The following PPM1G variants were observed in gnomAD, a reference collection of about 807,000 sequenced individuals.
PPM1G encodes protein phosphatase 1G.
A neutral mutation model predicts 59.4 loss-of-function variants in PPM1G; 12 were observed. That is an observed-to-expected ratio of 0.20 (90% CI 0.13 to 0.33). The LOEUF is 0.33. Ranked by LOEUF, PPM1G falls within the 10% of genes least tolerant of loss-of-function variation. The pLI is 1.00. For synonymous variants in PPM1G, 245 were observed against 251.9 expected, an observed-to-expected ratio of 0.97 and a Z score of 0.26; for missense variants, 392 against 681.3, an observed-to-expected ratio of 0.58 and a Z score of 4.73.
Position 27,382,052 on chromosome 2 carries a change from A to C in PPM1G, c.1434+74T>G. On this transcript the variant is annotated intron_variant, in intron 9 of 9. Coordinates refer to ENST00000344034, the MANE Select transcript of PPM1G (RefSeq NM_177983.3). This position sits in a 1 kb window ranked among gnomAD's most constrained non-coding sequence, Gnocchi z 4.2. ...TACTGATAATGCTCCCAGATTGCCG[A>C]CTTAGCTCAGATTAAAAGAGTGAAC... 1.4e-6 allele frequency: 2 copies of C among 1,451,828 alleles called. No individual in the cohort carries two copies. The highest frequency in any genetic ancestry group is 1.9e-6 in the Non-Finnish European group (2 of 1,035,956). The allele number at this position is 1,451,828 out of a possible 1,614,324, so 89.9% of individuals were successfully genotyped here. A position where few individuals can be genotyped will look rare whatever the true frequency, so the allele number is the denominator to read the frequency against.
At position 27,382,520 on chromosome 2, in the gene PPM1G, G is replaced by C; in HGVS notation, c.1287C>G (p.Leu429=). 1 of 1,614,234 alleles carries C rather than the reference G, an allele frequency of 6.2e-7. No homozygotes were observed. Among genetic ancestry groups the C allele is most frequent in the Non-Finnish European group, 8.5e-7 (1 of 1,180,048 alleles). ...SALPDIKVLT[L]TDDHEFMVIA... The stretch of plus-strand genomic sequence containing the variant: ...TGACCATGAATTCATGGTCGTCAGT[G>C]AGAGTCAGCACCTTGATGTCAGGAA... Residue 429 remains leucine, a synonymous_variant, in exon 8 of 10, where the codon CTC becomes CTG. Transcript: ENST00000344034. The surrounding 1 kb of genome is among the most constrained non-coding windows in gnomAD (Gnocchi z 4.2).
chr2:27,407,924 G>A (rs947573671), intron 1 of PPM1G, among the ~76,000 whole-genome samples: 1 of 152,058 alleles, frequency 6.6e-6, no homozygotes, highest in Non-Finnish European at 1.5e-5. Flanking sequence ...GCACATGCCT[G>A]TAATCCCAAC....
At chr2:27,406,481 T>C (rs1329613305) in intron 1 of PPM1G, among the ~76,000 whole-genome samples, 1 of 152,214 alleles carries the variant, frequency 6.6e-6, no homozygotes, top group Admixed American at 6.5e-5. Flanking sequence ...TAGGCATATT[T>C]ATTCAAACAA....
In PPM1G at chr2:27,384,916, G is replaced by A; in HGVS notation, c.582C>T (p.Asp194=). 6.2e-7 allele frequency: 1 copy of A among 1,614,178 alleles called. No individual in the cohort carries two copies. The highest frequency in any genetic ancestry group is 2.2e-5 in the East Asian group (1 of 44,880). Residue 194 remains aspartate, a synonymous_variant, in exon 5 of 10, where the codon GAC becomes GAT. Transcript: ENST00000344034. This position sits in a 1 kb window ranked among gnomAD's most constrained non-coding sequence, Gnocchi z 4.8. The stretch of plus-strand genomic sequence containing the variant: ...CTTGTGAAGGAGTTTCCCTAGTTGA[G>A]TCCTCAGGTCCTGCCTCCCCATTGA... ...QGLNGEAGPE[D]STRETPSQEN...
intron 1 of PPM1G, among the ~76,000 whole-genome samples, chr2:27,402,670 G>A (rs896990501): frequency 4.0e-5 from 6 of 151,840 alleles, no homozygotes; most frequent in South Asian, 2.1e-4. Flanking sequence ...TTAGCCAGGC[G>A]TGGTGGCGGG....
In PPM1G at chr2:27,382,651, GA is replaced by G. The variant is rs1469388761; in HGVS notation, c.1202-47del. 6.2e-7 allele frequency: 1 copy of G among 1,608,726 alleles called. No individual in the cohort carries two copies. Among genetic ancestry groups the G allele is most frequent in the Admixed American group, 1.7e-5 (1 of 59,654 alleles). ...ATGAGCAGTTTGGATACTTCCCACA[GA>G]CTTGTGTTTGTGGCAGGTCAAACCT... On this transcript the variant is annotated intron_variant, in intron 7 of 9. Transcript: ENST00000344034. The surrounding 1 kb of genome is among the most constrained non-coding windows in gnomAD (Gnocchi z 4.2).
Position 27,382,827 on chromosome 2 carries a change from TTG to T in PPM1G, c.1202-224_1202-223del, listed in dbSNP as rs1683668488. Among the ~76,000 whole-genome samples the T allele has an allele frequency of 8.7e-6, 1 of 114,844 alleles. No individual in the cohort carries two copies. Among genetic ancestry groups the T allele is most frequent in the Admixed American group, 8.7e-5 (1 of 11,530 alleles). The allele number at this position is 114,844 out of a possible 152,430, so 75.3% of individuals were successfully genotyped here. A position where few individuals can be genotyped will look rare whatever the true frequency, so the allele number is the denominator to read the frequency against. On this transcript the variant is annotated intron_variant, in intron 7 of 9. Transcript: ENST00000344034. The surrounding 1 kb of genome is among the most constrained non-coding windows in gnomAD (Gnocchi z 4.2). ...CTGGTCTTTTTATTTTAAGTCTTTTTTGTTTTTTTTTTTTTGAGACGGAGTTT... is the reference window on the plus strand; with the variant it reads ...CTGGTCTTTTTATTTTAAGTCTTTTTTTTTTTTTTTTTTGAGACGGAGTTT...
At chr2:27,388,828 T>C (rs1317293448) in intron 1 of PPM1G, among the ~76,000 whole-genome samples, 4 of 149,706 alleles carry the variant, frequency 2.7e-5, no homozygotes, top group African/African-American at 1.0e-4. Flanking sequence ...TGAGCCGAGA[T>C]TGCGCCACTG....
In PPM1G at chr2:27,381,579, G is replaced by T; in HGVS notation, c.*20C>A. 6.2e-7 allele frequency: 1 copy of T among 1,613,852 alleles called. No individual in the cohort carries two copies. The highest frequency in any genetic ancestry group is 2.2e-5 in the East Asian group (1 of 44,850). The stretch of plus-strand genomic sequence containing the variant: ...GAGGGCTCAGAAAACAGTCTAGGTG[G>T]GCAGGGGTCTGGATGACTGCTAGTC... On this transcript the variant is annotated 3_prime_UTR_variant, in exon 10 of 10. Transcript: ENST00000344034.
At chr2:27,403,105 G>A (rs1462746340) in intron 1 of PPM1G, among the ~76,000 whole-genome samples, 1 of 151,984 alleles carries the variant, frequency 6.6e-6, no homozygotes. Flanking sequence ...ACTCAAGCAT[G>A]GGCAAGAGTG....
intron 1 of PPM1G, among the ~76,000 whole-genome samples, chr2:27,406,951 A>G (rs896047223): frequency 6.7e-6 from 1 of 149,632 alleles, no homozygotes; most frequent in Non-Finnish European, 1.5e-5. Context: ...CTATACCCAG[A>G]TTTATTTATT....
intron 1 of PPM1G, among the ~76,000 whole-genome samples, chr2:27,398,150 A>G (rs1408463160): frequency 6.6e-6 from 1 of 152,262 alleles, no homozygotes; most frequent in Admixed American, 6.5e-5. Context: ...TATTACTGGC[A>G]TAGGGACATG....
intron 1 of PPM1G, among the ~76,000 whole-genome samples, chr2:27,398,827 A>G (rs550138674): frequency 6.6e-6 from 1 of 151,796 alleles, no homozygotes; most frequent in African/African-American, 2.4e-5. Context: ...TCTCAAAAAA[A>G]AAAAGAAAAA....
At chr2:27,404,499 G>A (rs2950834) in intron 1 of PPM1G, among the ~76,000 whole-genome samples, 71,292 of 150,852 alleles carry the variant, frequency 0.47, 18,518 homozygotes, top group African/African-American at 0.69. Context: ...TCAGTGAGCC[G>A]AGATCAAGCC....
In PPM1G at chr2:27,382,118, G is replaced by C; in HGVS notation, c.1434+8C>G. The stretch of plus-strand genomic sequence containing the variant: ...CAGACACCCTCTCTTCTCCACCCTG[G>C]TACTCACCTCTTCCACAATGGATGA... On this transcript the variant is annotated splice_region_variant and intron_variant, in intron 9 of 9. Coordinates refer to ENST00000344034, the MANE Select transcript of PPM1G (RefSeq NM_177983.3). The surrounding 1 kb of genome is among the most constrained non-coding windows in gnomAD (Gnocchi z 4.2). 1 of 1,611,862 alleles carries C rather than the reference G, an allele frequency of 6.2e-7. No homozygotes were observed. Among genetic ancestry groups the C allele is most frequent in the Non-Finnish European group, 8.5e-7 (1 of 1,177,998 alleles).
At chr2:27,405,018 AAAC>A (rs1242074237) in intron 1 of PPM1G, among the ~76,000 whole-genome samples, 3 of 79,130 alleles carry the variant, frequency 3.8e-5, no homozygotes, top group Non-Finnish European at 7.4e-5. Flanking sequence ...TAGCCAACAA[AAAC>A]TCAAGGGCCT....
chr2:27,389,261 CAT>C (rs1683842703), intron 1 of PPM1G, among the ~76,000 whole-genome samples: 1 of 152,266 alleles, frequency 6.6e-6, no homozygotes, highest in African/African-American at 2.4e-5. Context: ...TACACACACA[CAT>C]ACACATATAT....
At chr2:27,391,297 A>G (rs976592302) in intron 1 of PPM1G, among the ~76,000 whole-genome samples, 3 of 152,162 alleles carry the variant, frequency 2.0e-5, no homozygotes, top group Non-Finnish European at 4.4e-5. Context: ...TTACACCTTC[A>G]CCAACAGTGT....
chr2:27,402,293 G>C (rs1033429321), intron 1 of PPM1G, among the ~76,000 whole-genome samples: 5 of 152,130 alleles, frequency 3.3e-5, no homozygotes, highest in Non-Finnish European at 7.3e-5. Flanking sequence ...GATCAGACCT[G>C]TATAAATTTC....
Sources: gnomAD v4.1 joint callset for allele counts (sites outside exome capture counted in the v4.1 genomes callset) on GRCh38, gnomAD v4.1.1 for gene constraint, Gnocchi (gnomAD v3.1) non-coding constraint, MANE v1.5 for transcripts, NCBI Gene and HGNC (gene_info 2026-07-23, HGNC 2026-07-21) for gene names.